Variants in FRAS1 observed in about 807,000 individuals in gnomAD.
FRAS1 encodes the protein extracellular matrix organizing protein FRAS1.
In FRAS1, 290 loss-of-function variants were observed where a neutral mutation model predicts 435.2. The ratio of observed to expected loss-of-function variants is 0.67; its 90% CI spans 0.61 to 0.73. The LOEUF is 0.73. FRAS1 is among the 30% of genes least tolerant of loss of function. The pLI, the probability that FRAS1 is intolerant of heterozygous loss-of-function variation, is 0.00. For missense variants in FRAS1, 4,860 were observed against 5,001.5 expected, an observed-to-expected ratio of 0.97 and a Z score of 0.85; for synonymous variants, 1,800 against 1,851.0, an observed-to-expected ratio of 0.97 and a Z score of 0.71.
intron 26 of FRAS1, chr4:78,379,449 G>C: frequency 2.6e-6 from 1 of 389,760 alleles, no homozygotes; most frequent in Admixed American, 4.7e-5. Flanking sequence ...ACTCACACCT[G>C]AGGACCTCCC....
chr4:78,295,748 C>CTT (rs571061110), intron 14 of FRAS1, among the ~76,000 whole-genome samples: 1 of 141,202 alleles, frequency 7.1e-6, no homozygotes, highest in African/African-American at 2.6e-5. Context: ...ATATTTCCTT[C>CTT]TTTTTTTTTT....
chr4:78,358,944 C>G (rs1003981817), intron 20 of FRAS1, among the ~76,000 whole-genome samples: 37 of 152,094 alleles, frequency 2.4e-4, no homozygotes, highest in African/African-American at 8.9e-4. Flanking sequence ...TTAATCTAAT[C>G]TATGTAAAAA....
At chr4:78,121,903 C>G (rs1262611467) in intron 2 of FRAS1, among the ~76,000 whole-genome samples, 1 of 152,152 alleles carries the variant, frequency 6.6e-6, no homozygotes, top group Admixed American at 6.5e-5. Flanking sequence ...TTGACATGGC[C>G]AGGATACATG....
chr4:78,199,296 A>C (rs915638490), intron 2 of FRAS1, among the ~76,000 whole-genome samples: 1 of 152,222 alleles, frequency 6.6e-6, no homozygotes, highest in African/African-American at 2.4e-5. Flanking sequence ...TTTTAAGAAC[A>C]GTGGCTCAAG....
intron 40 of FRAS1, among the ~76,000 whole-genome samples, chr4:78,439,936 A>G (rs1201703130): frequency 3.3e-5 from 5 of 151,094 alleles, no homozygotes; most frequent in Admixed American, 2.0e-4. Context: ...TCCCTGCTCT[A>G]TGTACATACC....
chr4:78,489,721 A>G (rs1359282343), intron 59 of FRAS1, among the ~76,000 whole-genome samples: 1 of 152,218 alleles, frequency 6.6e-6, no homozygotes, highest in Non-Finnish European at 1.5e-5. Context: ...GAAGCAAATG[A>G]GTTCTGCTCT....
At chr4:78,221,821 A>T (rs769294349) in intron 2 of FRAS1, among the ~76,000 whole-genome samples, 17 of 152,238 alleles carry the variant, frequency 1.1e-4, no homozygotes, top group Non-Finnish European at 2.1e-4. Context: ...ACACCCCTGT[A>T]AGTCCCATAT....
chr4:78,200,961 GA>G (rs1723030227), intron 2 of FRAS1, among the ~76,000 whole-genome samples: 1 of 144,420 alleles, frequency 6.9e-6, no homozygotes, highest in South Asian at 2.1e-4. Context: ...AGGCCAAAGT[GA>G]AAATCTTTTT....
chr4:78,467,648 A>C (rs1252734232), intron 50 of FRAS1, among the ~76,000 whole-genome samples: 3 of 152,132 alleles, frequency 2.0e-5, no homozygotes, highest in Admixed American at 6.5e-5. Context: ...GGAACCTCCA[A>C]ACTGTTCTCT....
chr4:78,100,704 C>A (rs561035517), intron 2 of FRAS1, among the ~76,000 whole-genome samples: 2 of 152,266 alleles, frequency 1.3e-5, no homozygotes, highest in African/African-American at 4.8e-5. Flanking sequence ...CTGGGCCCCA[C>A]AAAATTATGT....
Position 78,224,265 on chromosome 4 carries a change from G to A in FRAS1, c.109-13245G>A, listed in dbSNP as rs572333037. ...CATTTGAAAGATCGTGGTCCTTGAC[G>A]CCAGTCAGTCCTACTTTCAAATCCT... On this transcript the variant is annotated intron_variant, in intron 2 of 73. Coordinates refer to ENST00000512123, the MANE Select transcript of FRAS1 (RefSeq NM_025074.7). Among the ~76,000 whole-genome samples, 38 of 152,278 alleles carry A rather than the reference G, an allele frequency of 2.5e-4. No individual in the cohort carries two copies. The South Asian group carries it at 7.5e-3, about 30-fold the overall frequency.
At chr4:78,534,040 G>A (rs1721803910) in intron 70 of FRAS1, among the ~76,000 whole-genome samples, 1 of 152,138 alleles carries the variant, frequency 6.6e-6, no homozygotes, top group African/African-American at 2.4e-5. Flanking sequence ...AGCAAGTCCT[G>A]AAAGTGGGAC....
chr4:78,215,611 A>G (rs1438155588), intron 2 of FRAS1, among the ~76,000 whole-genome samples: 1 of 151,988 alleles, frequency 6.6e-6, no homozygotes, highest in African/African-American at 2.4e-5. Flanking sequence ...ACAACTCCCT[A>G]TTTCCTTCTT....
At chr4:78,207,542 A>T (rs1008967344) in intron 2 of FRAS1, among the ~76,000 whole-genome samples, 2 of 152,180 alleles carry the variant, frequency 1.3e-5, no homozygotes, top group Admixed American at 6.5e-5. Context: ...GAAGAGGGAG[A>T]TGTAGTAATG....
intron 2 of FRAS1, among the ~76,000 whole-genome samples, chr4:78,219,225 T>G (rs1282993985): frequency 1.3e-5 from 2 of 152,212 alleles, no homozygotes; most frequent in African/African-American, 2.4e-5. Context: ...CTGAATTACT[T>G]ATTTGCTTAA....
chr4:78,237,800 TATC>T (rs1375280548), intron 3 of FRAS1, among the ~76,000 whole-genome samples, 183 bp downstream of exon 3: 2 of 152,226 alleles, frequency 1.3e-5, no homozygotes, highest in Non-Finnish European at 2.9e-5. Flanking sequence ...AATTTTAACA[TATC>T]ATATCAAAGA....
At chr4:78,538,491 AATGAC>A (rs1221563149) in intron 72 of FRAS1, among the ~76,000 whole-genome samples, 1 of 152,190 alleles carries the variant, frequency 6.6e-6, no homozygotes, top group Admixed American at 6.5e-5. Context: ...TCATGTTGCT[AATGAC>A]ATGCCTGTAA....
chr4:78,101,006 T>C (rs1385349025), intron 2 of FRAS1, among the ~76,000 whole-genome samples: 1 of 152,130 alleles, frequency 6.6e-6, no homozygotes, highest in Non-Finnish European at 1.5e-5. Flanking sequence ...AAATCTTTGT[T>C]TTGTGGGGTG....
rs367903389 is a variant in FRAS1, at chr4:78,441,463, A to G, written c.5665+166A>G. Among the ~76,000 whole-genome samples, 68 of 152,308 alleles carry G rather than the reference A, an allele frequency of 4.5e-4. No homozygotes were observed. In the South Asian group the frequency reaches 5.4e-3, roughly 12 times the overall value. ...GTTTCATTCATTCAACAAAAATTTA[A>G]TGAGCATTTTCTGTGTGCGGGGAAC... On this transcript the variant is annotated intron_variant, in intron 41 of 73. Coordinates refer to ENST00000512123, the MANE Select transcript of FRAS1 (RefSeq NM_025074.7).
Sources: gnomAD v4.1 joint callset for allele counts (sites outside exome capture counted in the v4.1 genomes callset) on GRCh38, gnomAD v4.1.1 for gene constraint, MANE v1.5 for transcripts, NCBI Gene and HGNC (gene_info 2026-07-23, HGNC 2026-07-21) for gene names.